RSRC1: variants seen among roughly 807,000 people sequenced by gnomAD.
RSRC1 encodes the protein arginine and serine rich coiled-coil 1.
In RSRC1, 39 loss-of-function variants were observed where a neutral mutation model predicts 49.1. That is an observed-to-expected ratio of 0.79 (90% CI 0.61 to 1.04). The LOEUF (loss-of-function observed/expected upper bound fraction) is 1.04. RSRC1 is among the 50% of genes least tolerant of loss of function. The pLI, the probability that RSRC1 is intolerant of heterozygous loss-of-function variation, is 0.00. For synonymous variants in RSRC1, 143 were observed against 130.8 expected, an observed-to-expected ratio of 1.09 and a Z score of -0.63; for missense variants, 388 against 402.4, an observed-to-expected ratio of 0.96 and a Z score of 0.31.
At chr3:158,390,847 T>A (rs1255606509) in intron 6 of RSRC1, among the ~76,000 whole-genome samples, 9 of 152,178 alleles carry the variant, frequency 5.9e-5, no homozygotes, top group Non-Finnish European at 1.2e-4. Context: ...TTGATGTTAT[T>A]TGAAAGGATA....
chr3:158,495,032 G>A (rs945095507), intron 7 of RSRC1, among the ~76,000 whole-genome samples: 3 of 152,146 alleles, frequency 2.0e-5, no homozygotes, highest in Non-Finnish European at 2.9e-5. Context: ...AAGACTGGCA[G>A]CGCTGCTTTG....
intron 6 of RSRC1, among the ~76,000 whole-genome samples, chr3:158,436,683 C>T (rs1006598735): frequency 6.6e-6 from 1 of 151,766 alleles, no homozygotes; most frequent in Non-Finnish European, 1.5e-5. Context: ...AGAACAGACA[C>T]ATGCATTTTA....
At chr3:158,440,966 T>C (rs759350059) in intron 6 of RSRC1, among the ~76,000 whole-genome samples, 1 of 151,776 alleles carries the variant, frequency 6.6e-6, no homozygotes, top group African/African-American at 2.4e-5. Context: ...TGAAAGAAAA[T>C]AAATATTAGA....
intron 1 of RSRC1, among the ~76,000 whole-genome samples, 171 bp from the exon 2 acceptor site, chr3:158,121,932 G>C (rs1426366484): frequency 3.3e-5 from 5 of 152,086 alleles, no homozygotes; most frequent in African/African-American, 1.2e-4. Context: ...TGGAGCCCAG[G>C]ACTTCCAGGT....
Position 158,287,946 on chromosome 3 carries a change from G to A in RSRC1, c.495-10093G>A, listed in dbSNP as rs574047016. ...CAACTTTGTGCATATTATGCAAGAT[G>A]TCCCTTTTTCCTGTGGATGCATACC... On this transcript the variant is annotated intron_variant, in intron 4 of 9. Coordinates refer to ENST00000611884, the MANE Select transcript of RSRC1 (RefSeq NM_001271838.2). Among the ~76,000 whole-genome samples, 8 of 152,288 alleles carry A rather than the reference G, an allele frequency of 5.3e-5. No homozygotes were observed. The East Asian group carries it at 1.4e-3, about 26-fold the overall frequency.
At chr3:158,176,447 A>G (rs1719224781) in intron 3 of RSRC1, among the ~76,000 whole-genome samples, 1 of 152,210 alleles carries the variant, frequency 6.6e-6, no homozygotes, top group Non-Finnish European at 1.5e-5. Flanking sequence ...TGGTACCAAA[A>G]CAGAGATATA....
chr3:158,394,783 A>G (rs1278914338), intron 6 of RSRC1, among the ~76,000 whole-genome samples: 3 of 152,174 alleles, frequency 2.0e-5, no homozygotes, highest in East Asian at 3.8e-4. Flanking sequence ...TTACAGATTC[A>G]GTGCCATTTC....
rs766129663 is a variant in RSRC1, at chr3:158,517,755, A to ATT, written c.653-19300_653-19299dup. On this transcript the variant is annotated intron_variant, in intron 7 of 9. Transcript: ENST00000611884. ...AGGTGTATACCACAACACCCAGCTA[A>ATT]TTTTTTTTTTTTTTTTTTTTTTTTT... is the stretch of plus-strand genomic sequence containing the variant. Among the ~76,000 whole-genome samples the ATT allele has an allele frequency of 8.0e-3, 279 of 35,082 alleles. 45 individuals carry two copies. The highest frequency in any genetic ancestry group is 0.012 in the Non-Finnish European group (200 of 16,350). The allele number at this position is 35,082 out of a possible 152,430, so 23.0% of individuals were successfully genotyped here. A position where few individuals can be genotyped will look rare whatever the true frequency, so the allele number is the denominator to read the frequency against.
intron 4 of RSRC1, among the ~76,000 whole-genome samples, chr3:158,231,677 G>C (rs548368219): frequency 3.3e-5 from 5 of 151,984 alleles, no homozygotes; most frequent in Non-Finnish European, 5.9e-5. Context: ...CATTGCCTTT[G>C]ATCAAAGCAA....
chr3:158,543,093 A>G (rs1265063282), intron 8 of RSRC1, among the ~76,000 whole-genome samples: 1 of 152,212 alleles, frequency 6.6e-6, no homozygotes, highest in African/African-American at 2.4e-5. Flanking sequence ...AGTTATTCCT[A>G]TATTCTATTT....
At chr3:158,450,314 C>A (rs1391505902) in intron 6 of RSRC1, among the ~76,000 whole-genome samples, 2 of 148,052 alleles carry the variant, frequency 1.4e-5, no homozygotes, top group African/African-American at 4.9e-5. Context: ...GATAATAAAC[C>A]ATGGCTTTCT....
intron 6 of RSRC1, among the ~76,000 whole-genome samples, chr3:158,424,281 A>T (rs1347108624): frequency 3.3e-5 from 5 of 151,744 alleles, no homozygotes; most frequent in Non-Finnish European, 5.9e-5. Flanking sequence ...GAGAGTTTTT[A>T]GCATGAAGGG....
At chr3:158,214,916 A>T (rs1721871742) in intron 4 of RSRC1, among the ~76,000 whole-genome samples, 1 of 151,900 alleles carries the variant, frequency 6.6e-6, no homozygotes, top group African/African-American at 2.4e-5. Context: ...AATAGCAATT[A>T]AATCCAGTTG....
chr3:158,450,749 A>T (rs1398737949), intron 6 of RSRC1, among the ~76,000 whole-genome samples: 1 of 151,992 alleles, frequency 6.6e-6, no homozygotes, highest in African/African-American at 2.4e-5. Flanking sequence ...TGAGGTCTAG[A>T]TAAAACTCAG....
intron 6 of RSRC1, among the ~76,000 whole-genome samples, chr3:158,457,133 T>C (rs1000112209): frequency 5.9e-5 from 9 of 152,122 alleles, no homozygotes; most frequent in Non-Finnish European, 1.3e-4. Flanking sequence ...GGAGGGTTCA[T>C]TGGAAGTACT....
At chr3:158,324,015 GTATTGA>G (rs1390674420) in intron 5 of RSRC1, among the ~76,000 whole-genome samples, 1 of 152,130 alleles carries the variant, frequency 6.6e-6, no homozygotes, top group Non-Finnish European at 1.5e-5. Context: ...TAGCAGTATA[GTATTGA>G]TATTTTCTTT....
At chr3:158,483,521 C>G (rs2108438862) in intron 7 of RSRC1, among the ~76,000 whole-genome samples, 1 of 152,046 alleles carries the variant, frequency 6.6e-6, no homozygotes, top group African/African-American at 2.4e-5. Context: ...AAAGATCATT[C>G]TGGGAATGAA....
At chr3:158,368,466 C>G (rs949125287) in intron 6 of RSRC1, among the ~76,000 whole-genome samples, 1 of 152,204 alleles carries the variant, frequency 6.6e-6, no homozygotes, top group Middle Eastern at 3.2e-3. Flanking sequence ...CAGGACCATG[C>G]TTTGTCCTTA....
chr3:158,350,814 C>T (rs993813270), intron 5 of RSRC1, among the ~76,000 whole-genome samples: 6 of 151,938 alleles, frequency 3.9e-5, no homozygotes, highest in East Asian at 3.8e-4. Context: ...ATACCATTTA[C>T]GAATTTTAGA....
Sources: gnomAD v4.1 joint callset for allele counts (sites outside exome capture counted in the v4.1 genomes callset) on GRCh38, gnomAD v4.1.1 for gene constraint, MANE v1.5 for transcripts, NCBI Gene and HGNC (gene_info 2026-07-23, HGNC 2026-07-21) for gene names.